Variants in MED14 observed in about 807,000 individuals in gnomAD.
The protein encoded by MED14 is mediator complex subunit 14.
In MED14, 8 loss-of-function variants were observed where a neutral mutation model predicts 109.0. The ratio of observed to expected loss-of-function variants is 0.07; its 90% CI spans 0.04 to 0.13. The LOEUF (loss-of-function observed/expected upper bound fraction) is 0.13. Ranked by LOEUF, MED14 falls within the 10% of genes least tolerant of loss-of-function variation. The pLI, the probability that MED14 is intolerant of heterozygous loss-of-function variation, is 1.00. For synonymous variants in MED14, 399 were observed against 408.7 expected (o/e 0.98, Z 0.29); for missense variants, 711 against 1,142.4 (o/e 0.62, Z 5.44).
chrX:40,695,348 T>C (rs943026548), intron 13 of MED14, among the ~76,000 whole-genome samples: 1 of 111,954 alleles, frequency 8.9e-6, no homozygotes. Flanking sequence ...AGAAAGACAT[T>C]TAAGGGGATA....
chrX:40,730,839 A>T (rs1235351829), intron 1 of MED14, among the ~76,000 whole-genome samples: 2 of 103,703 alleles, frequency 1.9e-5, no homozygotes, highest in Non-Finnish European at 4.0e-5. Context: ...AGAAGTTTAA[A>T]AAAAAGGGGG....
At chrX:40,675,451 A>G (rs1929881105) in intron 21 of MED14, 90 bp from the exon 22 acceptor site, 1 of 678,825 alleles carries the variant, frequency 1.5e-6, no homozygotes. Flanking sequence ...AAACAGAAAC[A>G]CAGTATGTTG....
chrX:40,703,192 C>A (rs1243665434), intron 11 of MED14, among the ~76,000 whole-genome samples: 1 of 111,750 alleles, frequency 8.9e-6, no homozygotes, highest in African/African-American at 3.3e-5. Flanking sequence ...CAGCAGCCAT[C>A]AACATTATTA....
chrX:40,665,497 C>A (rs1398359473), intron 24 of MED14, among the ~76,000 whole-genome samples: 5 of 111,388 alleles, frequency 4.5e-5, no homozygotes, highest in Non-Finnish European at 9.4e-5. Flanking sequence ...TGCACCACTG[C>A]ACTCCAGCCT....
chrX:40,651,680 CAGTTT>C lies in MED14; in HGVS notation c.*121_*125del. ...AGAAGTGCACCCTGAAAATTTTTGC[CAGTTT>C]AGAATATTTAGCTCTTAAAGTTTAA... On this transcript the variant is annotated 3_prime_UTR_variant, in exon 31 of 31. Transcript: ENST00000324817. 1 of 1,046,234 alleles carries C rather than the reference CAGTTT, an allele frequency of 9.6e-7. No individual in the cohort carries two copies. Among genetic ancestry groups the C allele is most frequent in the Non-Finnish European group, 1.2e-6 (1 of 815,620 alleles). The allele number at this position is 1,046,234 out of a possible 1,213,427, so 86.2% of individuals were successfully genotyped here.
intron 26 of MED14, among the ~76,000 whole-genome samples, chrX:40,662,532 T>C (rs1022274844): frequency 1.8e-5 from 2 of 111,626 alleles, no homozygotes; most frequent in African/African-American, 6.5e-5. Flanking sequence ...AATTATTTTA[T>C]TTCAATAAAG....
chrX:40,692,354 A>G (rs1364761266), intron 14 of MED14, 37 bp from the exon 15 acceptor site: 2 of 1,078,158 alleles, frequency 1.9e-6, no homozygotes, highest in Admixed American at 2.7e-5. Flanking sequence ...AGGTAAAAAA[A>G]AAAAAAAAAG....
intron 13 of MED14, among the ~76,000 whole-genome samples, chrX:40,693,649 G>A (rs1930617132): frequency 9.0e-6 from 1 of 111,296 alleles, no homozygotes; most frequent in Non-Finnish European, 1.9e-5. Flanking sequence ...ATTTTAAATT[G>A]CTCTGCTGCC....
At chrX:40,708,665 C>T (rs889118573) in intron 10 of MED14, among the ~76,000 whole-genome samples, 3 of 112,081 alleles carry the variant, frequency 2.7e-5, no homozygotes, top group African/African-American at 9.7e-5. Context: ...TGTTGCGAAC[C>T]TATATTCCCA....
chrX:40,730,975 C>T (rs1422373732), intron 1 of MED14, among the ~76,000 whole-genome samples: 1 of 108,292 alleles, frequency 9.2e-6, no homozygotes, highest in Non-Finnish European at 1.9e-5. Flanking sequence ...CACATGGCAA[C>T]CCCATCTCTA....
intron 3 of MED14, among the ~76,000 whole-genome samples, chrX:40,724,579 G>A (rs1400303127): frequency 9.0e-6 from 1 of 111,369 alleles, no homozygotes; most frequent in Non-Finnish European, 1.9e-5. Flanking sequence ...CCAAATGAAC[G>A]GTGAGTCAAT....
intron 14 of MED14, 116 bp downstream of exon 14, chrX:40,692,592 T>C: frequency 2.8e-6 from 2 of 705,463 alleles, no homozygotes; most frequent in Non-Finnish European, 4.2e-6. Flanking sequence ...TAAGCCTTAT[T>C]GCTGCCTCGT....
intron 6 of MED14, 143 bp from the exon 7 acceptor site, chrX:40,712,436 A>G (rs1313628763): frequency 2.4e-6 from 1 of 409,624 alleles, no homozygotes; most frequent in African/African-American, 2.5e-5. Context: ...TTGTACTCTG[A>G]GAAACACTGA....
intron 11 of MED14, among the ~76,000 whole-genome samples, chrX:40,702,657 G>A (rs1930996105): frequency 9.0e-6 from 1 of 111,515 alleles, no homozygotes; most frequent in South Asian, 3.7e-4. Flanking sequence ...CTAAATATAA[G>A]TTTTTAAGAA....
intron 12 of MED14, among the ~76,000 whole-genome samples, chrX:40,697,802 G>A (rs759922240): frequency 2.7e-5 from 3 of 112,106 alleles, no homozygotes; most frequent in East Asian, 2.8e-4. Context: ...GCAGCATAAC[G>A]ATGCCACAAC....
rs184429929 is a variant in MED14 at position 40,717,791 on chromosome X, G to A, written c.349-3081C>T. Among the ~76,000 whole-genome samples the A allele has an allele frequency of 2.7e-5, 3 of 112,258 alleles. No homozygotes were observed. The Admixed American group carries it at 2.8e-4, about 11-fold the overall frequency. On this transcript the variant is annotated intron_variant, in intron 3 of 30. Coordinates refer to ENST00000324817, the MANE Select transcript of MED14 (RefSeq NM_004229.4). Reference sequence around the variant, plus strand: ...ACCCGCCTCAGCCTCCCAAAGTGCTGGGATTACAGGCGTGAGCCACTGCAC... The same window carrying A: ...ACCCGCCTCAGCCTCCCAAAGTGCTAGGATTACAGGCGTGAGCCACTGCAC...
chrX:40,680,687 G>T, intron 20 of MED14, 71 bp downstream of exon 20: 2 of 952,991 alleles, frequency 2.1e-6, no homozygotes, highest in Non-Finnish European at 2.9e-6. Context: ...CAAAGGGTTG[G>T]GATTACAGGT....
At chrX:40,681,765 C>T in intron 19 of MED14, 87 bp downstream of exon 19, 1 of 498,066 alleles carries the variant, frequency 2.0e-6, no homozygotes, top group Non-Finnish European at 3.3e-6. Context: ...TGAGCTCTTA[C>T]TTATATTAAG....
At chrX:40,681,000 C>T (rs776136611) in intron 19 of MED14, 90 bp from the exon 20 acceptor site, 19 of 646,908 alleles carry the variant, frequency 2.9e-5, no homozygotes, top group Non-Finnish European at 4.1e-5. Context: ...AGGCAAAACG[C>T]CAAAAATCTA....
Sources: gnomAD v4.1 joint callset for allele counts (sites outside exome capture counted in the v4.1 genomes callset) on GRCh38, gnomAD v4.1.1 for gene constraint, MANE v1.5 for transcripts, NCBI Gene and HGNC (gene_info 2026-07-23, HGNC 2026-07-21) for gene names.